Variants in FAM135B observed in about 807,000 individuals in gnomAD.
FAM135B encodes protein FAM135B.
Under a neutral mutation model 127.7 loss-of-function variants are expected in FAM135B, and 43 were observed. That is an observed-to-expected ratio of 0.34 (90% confidence interval 0.26 to 0.43). The LOEUF is 0.43. Among genes scored for constraint, FAM135B ranks in the 20% least tolerant of loss-of-function variants. The pLI is 1.00. For missense variants in FAM135B, 1,558 were observed against 1,725.6 expected, an observed-to-expected ratio of 0.90 and a Z score of 1.72; for synonymous variants, 670 against 665.1, an observed-to-expected ratio of 1.01 and a Z score of -0.11.
intron 7 of FAM135B, among the ~76,000 whole-genome samples, chr8:138,213,791 T>TCCG (rs1818331184): frequency 1.3e-5 from 2 of 152,088 alleles, no homozygotes; most frequent in Admixed American, 1.3e-4. Context: ...AGCAGCAAGC[T>TCCG]CCGCTAGGCT....
chr8:138,452,914 G>T (rs1240248784), intron 1 of FAM135B, among the ~76,000 whole-genome samples: 2 of 152,198 alleles, frequency 1.3e-5, no homozygotes, highest in African/African-American at 4.8e-5. Context: ...TTGGCCAGAA[G>T]AAATGATCCA....
intron 2 of FAM135B, among the ~76,000 whole-genome samples, chr8:138,352,507 G>C (rs971612302): frequency 4.6e-5 from 7 of 152,110 alleles, no homozygotes; most frequent in Non-Finnish European, 1.0e-4. Context: ...TTGGCTGATG[G>C]ACCTTGGGTT....
chr8:138,348,651 A>G (rs949893366), intron 2 of FAM135B, among the ~76,000 whole-genome samples: 11 of 152,190 alleles, frequency 7.2e-5, no homozygotes, highest in African/African-American at 2.7e-4. Flanking sequence ...ATTGAGGACA[A>G]TTCATTAGAA....
chr8:138,265,523 TA>T (rs370894750), intron 4 of FAM135B, among the ~76,000 whole-genome samples, 179 bp downstream of exon 4: 5 of 152,098 alleles, frequency 3.3e-5, no homozygotes, highest in African/African-American at 9.6e-5. Context: ...AATATATGAA[TA>T]AAAAAATGAG....
chr8:138,295,102 CTTTTTTTTTTTTTTT>C lies in FAM135B; in HGVS notation c.157+15724_157+15738del, dbSNP rs527258472. Among the ~76,000 whole-genome samples the C allele has an allele frequency of 7.3e-5, 6 of 82,196 alleles. No homozygotes were observed. In the Admixed American group the frequency reaches 8.9e-4, roughly 12 times the overall value. The allele number at this position is 82,196 out of a possible 152,430, so 53.9% of individuals were successfully genotyped here. A position where few individuals can be genotyped will look rare whatever the true frequency, so the allele number is the denominator to read the frequency against. ...AATGTCAATACCACCCTTGCTGGTG[CTTTTTTTTTTTTTTT>C]TTTTTTTTTTTTTGGGTAGGAATCC... On this transcript the variant is annotated intron_variant, in intron 3 of 19. Coordinates refer to ENST00000395297, the MANE Select transcript of FAM135B (RefSeq NM_015912.4).
At chr8:138,461,900 A>G (rs556304725) in intron 1 of FAM135B, among the ~76,000 whole-genome samples, 7 of 152,144 alleles carry the variant, frequency 4.6e-5, no homozygotes, top group African/African-American at 1.7e-4. Flanking sequence ...GTTGCTAATA[A>G]CCGCCCACCC....
intron 1 of FAM135B, among the ~76,000 whole-genome samples, chr8:138,434,998 C>T: frequency 6.6e-6 from 1 of 152,194 alleles, no homozygotes; most frequent in East Asian, 1.9e-4. Context: ...TATTTTCAAT[C>T]TTGCAAGTGT....
At chr8:138,410,300 C>G (rs1346221944) in intron 1 of FAM135B, among the ~76,000 whole-genome samples, 2 of 152,166 alleles carry the variant, frequency 1.3e-5, no homozygotes, top group Admixed American at 1.3e-4. Context: ...CAGGCTGCTT[C>G]TAAGATAGCC....
At chr8:138,353,325 C>A (rs1447732198) in intron 2 of FAM135B, among the ~76,000 whole-genome samples, 1 of 152,148 alleles carries the variant, frequency 6.6e-6, no homozygotes, top group Non-Finnish European at 1.5e-5. Context: ...ATCATATAGA[C>A]AAATTATTTT....
chr8:138,435,562 C>T (rs1292448044), intron 1 of FAM135B, among the ~76,000 whole-genome samples: 1 of 152,104 alleles, frequency 6.6e-6, no homozygotes, highest in African/African-American at 2.4e-5. Flanking sequence ...AATAATATTA[C>T]TTTTATTATT....
intron 12 of FAM135B, among the ~76,000 whole-genome samples, chr8:138,162,938 C>T (rs946809919): frequency 5.3e-5 from 8 of 152,182 alleles, no homozygotes; most frequent in Admixed American, 2.0e-4. Flanking sequence ...TTATCAGATT[C>T]ATCACAGACA....
intron 4 of FAM135B, among the ~76,000 whole-genome samples, chr8:138,261,595 G>A (rs1239098361): frequency 6.6e-6 from 1 of 152,046 alleles, no homozygotes; most frequent in Non-Finnish European, 1.5e-5. Flanking sequence ...ATTTTGTAAG[G>A]CTTCCCAAAT....
Position 138,151,596 on chromosome 8 carries a change from G to A in FAM135B, c.2879C>T (p.Pro960Leu). Reference sequence around the variant, plus strand: ...AAATGCTGTGTCATCCATAATGCAAGGTGAACCGCTTTGGCTTTGCTGGCC... The same window carrying A: ...AAATGCTGTGTCATCCATAATGCAAAGTGAACCGCTTTGGCTTTGCTGGCC... ...STGQQSQSGS[P>L]CIMDDTAFNR... Residue 960 changes from proline to leucine, a missense_variant, in exon 13 of 20, where the codon CCT (proline) becomes CTT (leucine). By Grantham distance (98) the Pro-to-Leu change is moderately conservative (BLOSUM62 -3). Coordinates refer to ENST00000395297, the MANE Select transcript of FAM135B (RefSeq NM_015912.4). The A allele has an allele frequency of 6.2e-7, 1 of 1,614,180 alleles. No homozygotes were observed. Among genetic ancestry groups the A allele is most frequent in the Non-Finnish European group, 8.5e-7 (1 of 1,180,008 alleles).
intron 1 of FAM135B, among the ~76,000 whole-genome samples, chr8:138,368,845 C>T (rs1430392879): frequency 1.3e-5 from 2 of 152,008 alleles, no homozygotes; most frequent in African/African-American, 4.8e-5. Context: ...ATGAAAGCAT[C>T]TAGATACCAG....
At chr8:138,229,687 C>T (rs554933670) in intron 7 of FAM135B, among the ~76,000 whole-genome samples, 4 of 152,228 alleles carry the variant, frequency 2.6e-5, no homozygotes, top group Middle Eastern at 3.4e-3. Context: ...AAAGAACTGC[C>T]CGAGACTGGG....
intron 3 of FAM135B, among the ~76,000 whole-genome samples, chr8:138,289,294 ATTC>A (rs1354996749): frequency 6.6e-6 from 1 of 152,220 alleles, no homozygotes; most frequent in East Asian, 1.9e-4. Context: ...AATGGAGAAT[ATTC>A]TTCTCATTCT....
intron 12 of FAM135B, among the ~76,000 whole-genome samples, chr8:138,166,330 C>T (rs1187772451): frequency 6.6e-6 from 1 of 152,174 alleles, no homozygotes; most frequent in Non-Finnish European, 1.5e-5. Context: ...TGACCTCTTG[C>T]CCACTCCCCA....
At chr8:138,463,724 C>G (rs1367420670) in intron 1 of FAM135B, among the ~76,000 whole-genome samples, 1 of 152,038 alleles carries the variant, frequency 6.6e-6, no homozygotes, top group Non-Finnish European at 1.5e-5. Flanking sequence ...AAAAGAGAAG[C>G]AGTAGTAAGA....
rs1190453613 is a variant in FAM135B at position 138,474,638 on chromosome 8, C to T, written c.-20+22033G>A. Among the ~76,000 whole-genome samples the T allele has an allele frequency of 2.0e-5, 3 of 152,298 alleles. No homozygotes were observed. The East Asian group carries it at 5.8e-4, about 29-fold the overall frequency. On this transcript the variant is annotated intron_variant, in intron 1 of 19. Transcript: ENST00000395297. ...CACAGTCACACAGCTCAAATCCTAA[C>T]TTTATTTGGGTCTTTGCTCAACCAA...
Sources: allele counts gnomAD v4.1 joint callset (sites outside exome capture counted in the v4.1 genomes callset), GRCh38; gene constraint gnomAD v4.1.1; transcripts MANE v1.5; gene names NCBI Gene and HGNC (gene_info 2026-07-23, HGNC 2026-07-21).